The following MARK2 variants were observed in gnomAD, a reference collection of about 807,000 sequenced individuals.
MARK2 encodes serine/threonine-protein kinase MARK2.
A neutral mutation model predicts 89.8 loss-of-function variants in MARK2; 16 were observed. The ratio of observed to expected loss-of-function variants is 0.18; its 90% CI spans 0.12 to 0.27. The LOEUF (loss-of-function observed/expected upper bound fraction) is 0.27. Among genes scored for constraint, MARK2 ranks in the 10% least tolerant of loss-of-function variants. The pLI is 1.00. For missense variants in MARK2, 621 were observed against 1,049.9 expected, an observed-to-expected ratio of 0.59 and a Z score of 5.65; for synonymous variants, 382 against 399.5, an observed-to-expected ratio of 0.96 and a Z score of 0.52.
At chr11:63,885,643 T>G (rs1939348968) in intron 1 of MARK2, among the ~76,000 whole-genome samples, 1 of 150,838 alleles carries the variant, frequency 6.6e-6, no homozygotes, top group Non-Finnish European at 1.5e-5. Flanking sequence ...AAGACTAGCC[T>G]GGCCAAGGTG....
Position 63,898,688 on chromosome 11 carries a change from G to A in MARK2, c.403+15G>A, listed in dbSNP as rs375299330. On this transcript the variant is annotated intron_variant, in intron 5 of 18. Transcript: ENST00000402010. The stretch of plus-strand genomic sequence containing the variant: ...CGCTAGTGGCGGTAGGTGTGGAACT[G>A]CCTCTTCCTGTTGTGCCCCCACTTC... The A allele has an allele frequency of 2.9e-5, 46 of 1,613,130 alleles. No homozygotes were observed. The highest frequency in any genetic ancestry group is 3.7e-5 in the Non-Finnish European group (44 of 1,179,182).
chr11:63,863,565 A>G (rs1029710685), intron 1 of MARK2, among the ~76,000 whole-genome samples: 3 of 146,610 alleles, frequency 2.0e-5, no homozygotes, highest in African/African-American at 7.6e-5. Flanking sequence ...CCTGGGTTCA[A>G]GTGATTCTTG....
chr11:63,860,644 G>A (rs966743772), intron 1 of MARK2, among the ~76,000 whole-genome samples: 1 of 151,844 alleles, frequency 6.6e-6, no homozygotes, highest in Non-Finnish European at 1.5e-5. Flanking sequence ...GGATCACGAG[G>A]TCAGGAGTTC....
At position 63,902,187 on chromosome 11, in the gene MARK2, G is replaced by C. The variant is rs148750832; in HGVS notation, c.1102-11G>C. 6.2e-7 allele frequency: 1 copy of C among 1,613,812 alleles called. No homozygotes were observed. Among genetic ancestry groups the C allele is most frequent in the Non-Finnish European group, 8.5e-7 (1 of 1,179,790 alleles). ...CTGCCCTCCCTTGAAGCTGTTTTCT[G>C]TTTCTTTCAGCTGGAAGGCGACACC... On this transcript the variant is annotated splice_polypyrimidine_tract_variant and intron_variant, in intron 11 of 18. Transcript: ENST00000402010. The surrounding 1 kb of genome is among the most constrained non-coding windows in gnomAD (Gnocchi z 4.2).
intron 1 of MARK2, among the ~76,000 whole-genome samples, chr11:63,841,053 T>C (rs2015989900): frequency 6.6e-6 from 1 of 152,148 alleles, no homozygotes. Context: ...CAAAAAAACT[T>C]GACTTGAAAA....
rs80062200 is a variant in MARK2 at position 63,889,687 on chromosome 11, C to T, written c.55-5472C>T. 2.2e-3 allele frequency among the ~76,000 whole-genome samples: 340 copies of T among 152,370 alleles called. 2 individuals are homozygous for T. Among genetic ancestry groups the T allele is most frequent in the African/African-American group, 8.0e-3 (333 of 41,586 alleles). On this transcript the variant is annotated intron_variant, in intron 1 of 18. Coordinates refer to ENST00000402010, the MANE Select transcript of MARK2 (RefSeq NM_001039469.3). ...CTCTCTTCCTCTCAGTAGCAGACCCCAAAGCTGTTTCAGCCCTACTTCTGA... is the reference window on the plus strand; with the variant it reads ...CTCTCTTCCTCTCAGTAGCAGACCCTAAAGCTGTTTCAGCCCTACTTCTGA...
chr11:63,903,214 G>A lies in MARK2; in HGVS notation c.1514+56G>A. ...CCCTAGGAGCCATGTCTCACAGGGT[G>A]ATGTCTGTCAGCAGCACCGTCTCCT... On this transcript the variant is annotated intron_variant, in intron 14 of 18. Coordinates refer to ENST00000402010, the MANE Select transcript of MARK2 (RefSeq NM_001039469.3). This position sits in a 1 kb window ranked among gnomAD's most constrained non-coding sequence, Gnocchi z 5.1. 1 of 1,335,830 alleles carries A rather than the reference G, an allele frequency of 7.5e-7. No individual in the cohort carries two copies. 82.7% of individuals were successfully genotyped at this position (1,335,830 alleles called of 1,614,324 possible).
chr11:63,904,213 A>T lies in MARK2; in HGVS notation c.1676+66A>T. The T allele has an allele frequency of 7.3e-7, 1 of 1,374,588 alleles. No individual in the cohort carries two copies. 85.1% of individuals were successfully genotyped at this position (1,374,588 alleles called of 1,614,324 possible). On this transcript the variant is annotated intron_variant, in intron 15 of 18. Transcript: ENST00000402010. This position sits in a 1 kb window ranked among gnomAD's most constrained non-coding sequence, Gnocchi z 6.3. ...CCCACCCTACCCCCTTGCCCCAACA[A>T]TTTCTTCTTCCCACTTGGGGGTCCT... is the stretch of plus-strand genomic sequence containing the variant.
At chr11:63,852,285 C>T (rs1004664107) in intron 1 of MARK2, among the ~76,000 whole-genome samples, 1 of 152,170 alleles carries the variant, frequency 6.6e-6, no homozygotes, top group Non-Finnish European at 1.5e-5. Context: ...TACTAGGTTT[C>T]TTCAGTTATA....
intron 1 of MARK2, among the ~76,000 whole-genome samples, chr11:63,844,771 TC>T (rs758211597): frequency 4.6e-5 from 7 of 152,154 alleles, no homozygotes; most frequent in Non-Finnish European, 5.9e-5. Flanking sequence ...CTAGATTGTT[TC>T]CCCTTTGGAC....
At position 63,851,124 on chromosome 11, in the gene MARK2, A is replaced by T. The variant is rs76397857; in HGVS notation, c.54+11564A>T. On this transcript the variant is annotated intron_variant, in intron 1 of 18. Transcript: ENST00000402010. Reference sequence around the variant, plus strand: ...CTGCGTTTCAGAGACCCAAAGGGACACAGGCATTTCTGCTCCTGGGAATTT... The same window carrying T: ...CTGCGTTTCAGAGACCCAAAGGGACTCAGGCATTTCTGCTCCTGGGAATTT... Among the ~76,000 whole-genome samples the T allele has an allele frequency of 2.2e-3, 339 of 152,338 alleles. 1 individual carries two copies. The highest frequency in any genetic ancestry group is 4.1e-3 in the Non-Finnish European group (277 of 68,028).
chr11:63,857,317 C>G (rs1324369631), intron 1 of MARK2, among the ~76,000 whole-genome samples: 1 of 152,124 alleles, frequency 6.6e-6, no homozygotes, highest in African/African-American at 2.4e-5. Flanking sequence ...TAGGCACTTG[C>G]CACCAAGTGA....
chr11:63,891,986 A>G (rs913627613), intron 1 of MARK2, among the ~76,000 whole-genome samples: 3 of 152,230 alleles, frequency 2.0e-5, no homozygotes, highest in African/African-American at 7.2e-5. Flanking sequence ...GGAAAAAAGC[A>G]GGTATTTAAA....
At chr11:63,844,026 C>T (rs1422599701) in intron 1 of MARK2, among the ~76,000 whole-genome samples, 2 of 152,106 alleles carry the variant, frequency 1.3e-5, no homozygotes, top group Non-Finnish European at 2.9e-5. Context: ...GGTGGTGCTG[C>T]CTTCTGGTCA....
intron 1 of MARK2, among the ~76,000 whole-genome samples, chr11:63,861,606 G>T (rs1937785290): frequency 6.6e-6 from 1 of 152,122 alleles, no homozygotes; most frequent in Admixed American, 6.6e-5. Context: ...AGTAGGCAGG[G>T]TCTCCTCATT....
chr11:63,846,170 G>A (rs1258592480), intron 1 of MARK2, among the ~76,000 whole-genome samples: 1 of 151,992 alleles, frequency 6.6e-6, no homozygotes, highest in Non-Finnish European at 1.5e-5. Flanking sequence ...CCTCTGATAA[G>A]TATAAATAGG....
In MARK2 at chr11:63,902,423, G is replaced by A. The variant is rs902252770; in HGVS notation, c.1234+93G>A. 1.1e-4 allele frequency: 174 copies of A among 1,549,902 alleles called. No individual in the cohort carries two copies. The highest frequency in any genetic ancestry group is 1.5e-4 in the Non-Finnish European group (169 of 1,128,082). On this transcript the variant is annotated intron_variant, in intron 12 of 18. Coordinates refer to ENST00000402010, the MANE Select transcript of MARK2 (RefSeq NM_001039469.3). The surrounding 1 kb of genome is among the most constrained non-coding windows in gnomAD (Gnocchi z 4.2). ...ACTTGGGTAACACAACTAAGTTTCA[G>A]TCCTGGTTCAGCCACTTATTAGTAG...
Position 63,902,312 on chromosome 11 carries a change from C to T in MARK2, c.1216C>T (p.Arg406Trp). The change falls in exon 12 of 19, where the codon CGG (arginine) becomes TGG (tryptophan). Residue 406 changes from arginine (R) to tryptophan (W), a missense_variant. Transcript: ENST00000402010. The surrounding 1 kb of genome is among the most constrained non-coding windows in gnomAD (Gnocchi z 4.2). ...QRSVSANPKQ[R>W]RFSDQAAGPA... ...CAGCGTGTCGGCCAATCCCAAGCAGCGGCGCTTCAGCGACCAGGGTAAATG... is the reference window on the plus strand; with the variant it reads ...CAGCGTGTCGGCCAATCCCAAGCAGTGGCGCTTCAGCGACCAGGGTAAATG... 5 of 1,614,054 alleles carry T rather than the reference C, an allele frequency of 3.1e-6. No homozygotes were observed. The highest frequency in any genetic ancestry group is 4.5e-5 in the East Asian group (2 of 44,878).
intron 1 of MARK2, among the ~76,000 whole-genome samples, chr11:63,879,759 T>C (rs1160293083): frequency 2.0e-5 from 3 of 152,086 alleles, no homozygotes; most frequent in African/African-American, 7.2e-5. Flanking sequence ...AGTGACAGCC[T>C]TGGGGTGGTT....
Sources: gnomAD v4.1 joint callset for allele counts (sites outside exome capture counted in the v4.1 genomes callset) on GRCh38, gnomAD v4.1.1 for gene constraint, Gnocchi (gnomAD v3.1) non-coding constraint, MANE v1.5 for transcripts, NCBI Gene and HGNC (gene_info 2026-07-23, HGNC 2026-07-21) for gene names.